Variants in CARD14 observed in about 807,000 individuals in gnomAD.
CARD14 encodes caspase recruitment domain-containing protein 14.
A neutral mutation model predicts 111.5 loss-of-function variants in CARD14; 107 were observed. That is an observed-to-expected ratio of 0.96 (90% CI 0.82 to 1.13). The LOEUF is 1.13. Ranked by LOEUF, CARD14 falls within the 50% of genes most tolerant of loss-of-function variation. The pLI, the probability that CARD14 is intolerant of heterozygous loss-of-function variation, is 0.00. For synonymous variants in CARD14, 617 were observed against 579.6 expected (o/e 1.06, Z -0.93); for missense variants, 1,322 against 1,362.3 (o/e 0.97, Z 0.47).
chr17:80,171,419 A>G (rs2039902180), intron 1 of CARD14, among the ~76,000 whole-genome samples: 1 of 149,102 alleles, frequency 6.7e-6, no homozygotes, highest in Non-Finnish European at 1.5e-5. Flanking sequence ...CTTGAGCTCA[A>G]GCAATCCTCC....
At chr17:80,202,001 C>T in intron 17 of CARD14, 131 bp downstream of exon 17, 1 of 1,303,916 alleles carries the variant, frequency 7.7e-7, no homozygotes, top group Non-Finnish European at 1.1e-6. Flanking sequence ...CCAGGCTGTG[C>T]CCCAGGTCCC....
At position 80,189,172 on chromosome 17, in the gene CARD14, TGGG is replaced by T. The variant is rs2040438140; in HGVS notation, c.844-578_844-576del. The stretch of plus-strand genomic sequence containing the variant: ...TAAAGCATGGGATTCGCGTTAAGGA[TGGG>T]GGAAAGAAACCTTTCTGCCTGGAAA... On this transcript the variant is annotated intron_variant, in intron 8 of 23. Coordinates refer to ENST00000648509, the MANE Select transcript of CARD14 (RefSeq NM_001366385.1). This position sits in a 1 kb window ranked among gnomAD's most constrained non-coding sequence, Gnocchi z 4.7. 3.9e-5 allele frequency among the ~76,000 whole-genome samples: 6 copies of T among 152,160 alleles called. No homozygotes were observed. The highest frequency in any genetic ancestry group is 3.3e-4 in the Admixed American group (5 of 15,274).
chr17:80,173,521 AG>A (rs2144079535), intron 2 of CARD14, among the ~76,000 whole-genome samples: 1 of 152,128 alleles, frequency 6.6e-6, no homozygotes, highest in African/African-American at 2.4e-5. Context: ...TGCTGGCAAA[AG>A]TTTTTTTTTA....
chr17:80,205,309 C>A lies in CARD14; in HGVS notation c.2569+104C>A, dbSNP rs973316738. On this transcript the variant is annotated intron_variant, in intron 21 of 23. Coordinates refer to ENST00000648509, the MANE Select transcript of CARD14 (RefSeq NM_001366385.1). ...CTTCCTCCCTCCTCCTTCCCTCCCC[C>A]ACCACGCACATTCCCACACTCACCT... is the stretch of plus-strand genomic sequence containing the variant. The A allele has an allele frequency of 7.5e-6, 9 of 1,198,694 alleles. No homozygotes were observed. The East Asian group carries it at 1.5e-4, about 20-fold the overall frequency. 74.3% of individuals were successfully genotyped at this position (1,198,694 alleles called of 1,614,324 possible).
At chr17:80,190,947 A>T in intron 10 of CARD14, 48 bp downstream of exon 10, 1 of 1,596,366 alleles carries the variant, frequency 6.3e-7, no homozygotes, top group Non-Finnish European at 8.5e-7. Flanking sequence ...TTGCTTCCCC[A>T]GGTGAGGGCT....
chr17:80,195,143 A>T lies in CARD14; in HGVS notation c.1357-48A>T. 1 of 1,554,048 alleles carries T rather than the reference A, an allele frequency of 6.4e-7. No individual in the cohort carries two copies. Among genetic ancestry groups the T allele is most frequent in the Non-Finnish European group, 8.7e-7 (1 of 1,144,512 alleles). ...CGTGGGGGAGCAAGGGAGGAGTCTC[A>T]GGGTGTCCTCGTGCGTGCCCCACTG... On this transcript the variant is annotated intron_variant, in intron 12 of 23. Transcript: ENST00000648509. The surrounding 1 kb of genome is among the most constrained non-coding windows in gnomAD (Gnocchi z 4.7).
chr17:80,180,225 C>T (rs1289212422), intron 4 of CARD14, among the ~76,000 whole-genome samples: 2 of 152,108 alleles, frequency 1.3e-5, no homozygotes, highest in Admixed American at 6.5e-5. Context: ...AGCATGTCCC[C>T]TGAAGAGCAG....
chr17:80,182,495 C>T lies in CARD14; in HGVS notation c.212-158C>T, dbSNP rs1262460572. Among the ~76,000 whole-genome samples, 1 of 152,192 alleles carries T rather than the reference C, an allele frequency of 6.6e-6. No homozygotes were observed. The highest frequency in any genetic ancestry group is 1.5e-5 in the Non-Finnish European group (1 of 68,024). On this transcript the variant is annotated intron_variant, in intron 5 of 23. Transcript: ENST00000648509. This position sits in a 1 kb window ranked among gnomAD's most constrained non-coding sequence, Gnocchi z 4.7. ...CCTGTGAGAGCAGTGAGGGCGCGTC[C>T]CACCCAGCAGAACCCAGAAAACCGC...
rs1188327051 is a variant in CARD14 at position 80,202,174 on chromosome 17, T to C, written c.1979-6T>C. 2 of 1,607,248 alleles carry C rather than the reference T, an allele frequency of 1.2e-6. No homozygotes were observed. The highest frequency in any genetic ancestry group is 2.2e-5 in the East Asian group (1 of 44,702). On this transcript the variant is annotated splice_region_variant and splice_polypyrimidine_tract_variant and intron_variant, in intron 17 of 23. Transcript: ENST00000648509. The stretch of plus-strand genomic sequence containing the variant: ...CTCATCTGTGGCTCATGTCCCCTTT[T>C]ATCAGGTTATAAGAGGCTACTCCAG...
intron 7 of CARD14, chr17:80,187,939 C>T (rs867206045): frequency 1.1e-5 from 11 of 986,196 alleles, no homozygotes; most frequent in African/African-American, 1.0e-4. Flanking sequence ...TCTACCCCTC[C>T]GACCTGACTT....
intron 1 of CARD14, among the ~76,000 whole-genome samples, chr17:80,171,143 T>C (rs1598617366): frequency 2.4e-5 from 3 of 125,116 alleles, no homozygotes; most frequent in Admixed American, 8.0e-5. Flanking sequence ...TCCTGGCGCC[T>C]TCCCATTCAC....
intron 2 of CARD14, among the ~76,000 whole-genome samples, chr17:80,176,439 CAAAAAAAA>C (rs11290027): frequency 1.0e-5 from 1 of 96,862 alleles, no homozygotes; most frequent in African/African-American, 3.9e-5. Context: ...GACCTTGTCT[CAAAAAAAA>C]AAAAAAAAAA....
rs547506849 is a variant in CARD14, at chr17:80,181,043, G to A, written c.-20-376G>A. ...CTCTCAAAGTGCTGGGATTATAGGCGTGAGCCAATACGCCTAGCCTACTAC... is the reference window on the plus strand; with the variant it reads ...CTCTCAAAGTGCTGGGATTATAGGCATGAGCCAATACGCCTAGCCTACTAC... On this transcript the variant is annotated intron_variant, in intron 4 of 23. Transcript: ENST00000648509. 7.7e-4 allele frequency among the ~76,000 whole-genome samples: 117 copies of A among 151,370 alleles called. 1 individual carries two copies. The highest frequency in any genetic ancestry group is 2.6e-3 in the African/African-American group (108 of 41,160).
intron 6 of CARD14, 70 bp from the exon 7 acceptor site, chr17:80,183,843 C>G (rs1448939484): frequency 2.3e-6 from 3 of 1,325,430 alleles, no homozygotes; most frequent in Non-Finnish European, 3.0e-6. Flanking sequence ...TGCTCACCTG[C>G]TCACCTACCC....
At chr17:80,177,285 G>A (rs1329971128) in intron 2 of CARD14, among the ~76,000 whole-genome samples, 1 of 151,890 alleles carries the variant, frequency 6.6e-6, no homozygotes, top group East Asian at 1.9e-4. Context: ...CTGGAGTGGA[G>A]TGGCACTACC....
In CARD14 at chr17:80,205,089, T is replaced by C. The variant is rs760352024; in HGVS notation, c.2453T>C (p.Leu818Pro). The C allele has an allele frequency of 8.7e-6, 14 of 1,613,004 alleles. No individual in the cohort carries two copies. In the South Asian group the frequency reaches 1.5e-4, roughly 18 times the overall value. ...TGCCTCACCCTGGTGCCCTATACCC[T>C]GGTGCGGCCCCATCGACCCGCCCGG... Reference protein sequence around the residue: ...ESCLTLVPYTLVRPHRPARPR... With the variant: ...ESCLTLVPYTPVRPHRPARPR... The change falls in exon 21 of 24, where the codon CTG becomes CCG. Residue 818 changes from leucine to proline, a missense_variant. Leu to Pro is a moderately conservative substitution (Grantham distance 98). Transcript: ENST00000648509.
At position 80,205,057 on chromosome 17, in the gene CARD14, C is replaced by T. The variant is rs770965110; in HGVS notation, c.2421C>T (p.Ala807=). 134 of 1,604,498 alleles carry T rather than the reference C, an allele frequency of 8.4e-5. No individual in the cohort carries two copies. Among genetic ancestry groups the T allele is most frequent in the Non-Finnish European group, 1.1e-4 (126 of 1,174,988 alleles). The part of the protein sequence containing the change: ...RMEGSSTCFW[A]ESCLTLVPYT... ...CAGGCTCCAGCACGTGCTTCTGGGCCGAGAGCTGCCTCACCCTGGTGCCCT... is the reference window on the plus strand; with the variant it reads ...CAGGCTCCAGCACGTGCTTCTGGGCTGAGAGCTGCCTCACCCTGGTGCCCT... The change falls in exon 21 of 24, where the codon GCC becomes GCT. Residue 807 remains alanine (A), a synonymous_variant. Transcript: ENST00000648509.
At chr17:80,206,309 A>AAAAAAAATTT (rs2041304069) in intron 22 of CARD14, among the ~76,000 whole-genome samples, 1 of 50,544 alleles carries the variant, frequency 2.0e-5, no homozygotes, top group Non-Finnish European at 6.3e-5. Context: ...AAAAAAAATT[A>AAAAAAAATTT]AAAAATAAAA....
In CARD14 at chr17:80,209,040, C is replaced by G. The variant is rs2144657535; in HGVS notation, c.*695C>G. ...GGGGGTGTCCCAGAGAAGCCTGGCACCAGTACCCCCGTACAAGGCCCAGCG... is the reference window on the plus strand; with the variant it reads ...GGGGGTGTCCCAGAGAAGCCTGGCAGCAGTACCCCCGTACAAGGCCCAGCG... On this transcript the variant is annotated 3_prime_UTR_variant, in exon 24 of 24. Coordinates refer to ENST00000648509, the MANE Select transcript of CARD14 (RefSeq NM_001366385.1). 6.5e-6 allele frequency: 1 copy of G among 152,850 alleles called. No homozygotes were observed. Among genetic ancestry groups the G allele is most frequent in the East Asian group, 1.9e-4 (1 of 5,176 alleles). The allele number at this position is 152,850 out of a possible 1,614,324, so 9.5% of individuals were successfully genotyped here. A position where few individuals can be genotyped will look rare whatever the true frequency, so the allele number is the denominator to read the frequency against.
Sources: allele counts gnomAD v4.1 joint callset (sites outside exome capture counted in the v4.1 genomes callset), GRCh38; gene constraint gnomAD v4.1.1; non-coding constraint Gnocchi (gnomAD v3.1); transcripts MANE v1.5; gene names NCBI Gene and HGNC (gene_info 2026-07-23, HGNC 2026-07-21).